ADAMTS9: variants seen among roughly 807,000 people sequenced by gnomAD.
ADAMTS9 encodes the protein A disintegrin and metalloproteinase with thrombospondin motifs 9.
A neutral mutation model predicts 257.1 loss-of-function variants in ADAMTS9; 107 were observed. The ratio of observed to expected loss-of-function variants is 0.42; its 90% CI spans 0.36 to 0.49. ADAMTS9 has a LOEUF of 0.49. Among genes scored for constraint, ADAMTS9 ranks in the 20% least tolerant of loss-of-function variants. The pLI is 0.03. For synonymous variants in ADAMTS9, 982 were observed against 880.9 expected (o/e 1.11, Z -2.03); for missense variants, 2,353 against 2,469.1 (o/e 0.95, Z 1.00).
At chr3:64,626,406 G>T (rs538300444) in intron 16 of ADAMTS9, among the ~76,000 whole-genome samples, 141 of 152,294 alleles carry the variant, frequency 9.3e-4, no homozygotes, top group African/African-American at 3.4e-3. Flanking sequence ...TATACAAATA[G>T]AAACTAAGTA....
chr3:64,663,904 C>T (rs1701284427), intron 3 of ADAMTS9, among the ~76,000 whole-genome samples: 1 of 152,076 alleles, frequency 6.6e-6, no homozygotes, highest in South Asian at 2.1e-4. Context: ...ACCATTTTAG[C>T]AAGCAACTTT....
At chr3:64,656,536 G>A (rs1306268493) in intron 4 of ADAMTS9, among the ~76,000 whole-genome samples, 1 of 152,168 alleles carries the variant, frequency 6.6e-6, no homozygotes, top group Non-Finnish European at 1.5e-5. Flanking sequence ...GAGAAATTAA[G>A]TCACTTGTCT....
chr3:64,670,245 C>T (rs1315141774), intron 3 of ADAMTS9, among the ~76,000 whole-genome samples: 1 of 152,192 alleles, frequency 6.6e-6, no homozygotes, highest in Non-Finnish European at 1.5e-5. Flanking sequence ...TATGCAGAGG[C>T]TCCCCTGGAC....
chr3:64,658,494 G>T lies in ADAMTS9; in HGVS notation c.969+8C>A. 1 of 1,606,442 alleles carries T rather than the reference G, an allele frequency of 6.2e-7. No homozygotes were observed. Among genetic ancestry groups the T allele is most frequent in the Non-Finnish European group, 8.5e-7 (1 of 1,176,326 alleles). On this transcript the variant is annotated splice_region_variant and intron_variant, in intron 4 of 39. Coordinates refer to ENST00000498707, the MANE Select transcript of ADAMTS9 (RefSeq NM_182920.2). ...CCTCATAAATCACCTTCGTTTGAAT[G>T]TACTTACAATTGACATTAAAGTTAA...
chr3:64,574,334 T>C (rs2083774160), intron 28 of ADAMTS9, among the ~76,000 whole-genome samples: 1 of 152,000 alleles, frequency 6.6e-6, no homozygotes, highest in Non-Finnish European at 1.5e-5. Context: ...CAGGAGCTAT[T>C]AGGATTTTTT....
intron 38 of ADAMTS9, among the ~76,000 whole-genome samples, chr3:64,530,902 C>T (rs969799901): frequency 1.3e-5 from 2 of 151,638 alleles, no homozygotes; most frequent in Non-Finnish European, 2.9e-5. Flanking sequence ...ATGTTGTACA[C>T]GATAAAAATA....
intron 38 of ADAMTS9, among the ~76,000 whole-genome samples, chr3:64,522,999 A>G (rs2082871212): frequency 6.6e-6 from 1 of 152,216 alleles, no homozygotes; most frequent in African/African-American, 2.4e-5. Flanking sequence ...CAGAAAAACA[A>G]TGGTCAAAAA....
At chr3:64,565,996 G>T (rs1226046955) in intron 29 of ADAMTS9, among the ~76,000 whole-genome samples, 4 of 152,096 alleles carry the variant, frequency 2.6e-5, no homozygotes, top group African/African-American at 7.2e-5. Flanking sequence ...GTTTCTATCC[G>T]AATATCCTAT....
chr3:64,665,133 TTAAAAAAGCTC>T (rs2106993955), intron 3 of ADAMTS9, among the ~76,000 whole-genome samples: 1 of 152,310 alleles, frequency 6.6e-6, no homozygotes, highest in Admixed American at 6.5e-5. Flanking sequence ...TTAGACGTGT[TTAAAAAAGCTC>T]TAACTGGCAA....
rs117263664 is a variant in ADAMTS9 at position 64,599,362 on chromosome 3, A to G, written c.4018-2371T>C. ...ATTTTCTTAGGTAAACATTTATTTG[A>G]ACAAACTTTGAATCTATTAGTAAAA... On this transcript the variant is annotated intron_variant, in intron 26 of 39. Coordinates refer to ENST00000498707, the MANE Select transcript of ADAMTS9 (RefSeq NM_182920.2). 3.4e-3 allele frequency among the ~76,000 whole-genome samples: 516 copies of G among 152,326 alleles called. 12 individuals are homozygous for G. In the East Asian group the frequency reaches 0.045, roughly 13 times the overall value.
chr3:64,570,691 G>A (rs1435281130), intron 28 of ADAMTS9, among the ~76,000 whole-genome samples: 3 of 80,926 alleles, frequency 3.7e-5, no homozygotes, highest in East Asian at 3.9e-4. Context: ...GCAAGACTCC[G>A]TCTCAAAAAA....
chr3:64,673,871 A>G (rs1701556697), intron 3 of ADAMTS9, among the ~76,000 whole-genome samples: 1 of 152,072 alleles, frequency 6.6e-6, no homozygotes, highest in Non-Finnish European at 1.5e-5. Flanking sequence ...CATTATTAAG[A>G]TTCATGGTGT....
chr3:64,596,358 C>G (rs1286363602), intron 27 of ADAMTS9, among the ~76,000 whole-genome samples: 1 of 152,162 alleles, frequency 6.6e-6, no homozygotes, highest in Non-Finnish European at 1.5e-5. Flanking sequence ...TAACTACTCA[C>G]TTCTGCAATA....
At chr3:64,618,699 G>C (rs371294975) in intron 19 of ADAMTS9, among the ~76,000 whole-genome samples, 2 of 152,196 alleles carry the variant, frequency 1.3e-5, no homozygotes, top group South Asian at 4.2e-4. Flanking sequence ...AAGAAAAGTA[G>C]CTATTCCTGT....
At chr3:64,575,905 C>T (rs1184946965) in intron 28 of ADAMTS9, among the ~76,000 whole-genome samples, 1 of 152,154 alleles carries the variant, frequency 6.6e-6, no homozygotes, top group African/African-American at 2.4e-5. Context: ...TATCTCTTAA[C>T]ACGAAGTTTA....
rs148853033 is a variant in ADAMTS9, at chr3:64,655,594, G to C, written c.1151C>G (p.Thr384Ser). The C allele has an allele frequency of 3.1e-6, 5 of 1,613,380 alleles. No homozygotes were observed. In the African/African-American group the frequency reaches 6.7e-5, roughly 22 times the overall value. Residue 384 changes from threonine (T) to serine (S), a missense_variant, in exon 6 of 40, where the codon ACT becomes AGT. Physicochemically the swap from Thr to Ser is moderately conservative, Grantham distance 58. Around this residue, in one of 3 missense-constraint regions of ADAMTS9, gnomAD observed 591 missense variants for 569.6 expected, o/e 1.04. Coordinates refer to ENST00000498707, the MANE Select transcript of ADAMTS9 (RefSeq NM_182920.2). ...KNSPGGIHHD[T>S]AVLLTRQDIC... The stretch of plus-strand genomic sequence containing the variant: ...CATATACCTTGTTAAGAGAACAGCA[G>C]TATCATGATGGATTCCACCTGGACT...
At chr3:64,627,137 GT>G (rs1189474223) in intron 16 of ADAMTS9, among the ~76,000 whole-genome samples, 1 of 152,200 alleles carries the variant, frequency 6.6e-6, no homozygotes, top group African/African-American at 2.4e-5. Flanking sequence ...TGTAAATCAA[GT>G]GATAATCCAG....
chr3:64,555,750 G>C (rs150973811), intron 30 of ADAMTS9, among the ~76,000 whole-genome samples: 337 of 152,306 alleles, frequency 2.2e-3, no homozygotes, highest in African/African-American at 7.9e-3. Flanking sequence ...AGGCAAGGAG[G>C]GGAAGAGGAC....
chr3:64,597,028 A>G (rs754072177), intron 26 of ADAMTS9, 37 bp from the exon 27 acceptor site: 13 of 1,611,126 alleles, frequency 8.1e-6, no homozygotes, highest in South Asian at 2.2e-5. Flanking sequence ...CCCCACCTCA[A>G]TCTCCATCTT....
Sources: gnomAD v4.1 joint callset for allele counts (sites outside exome capture counted in the v4.1 genomes callset) on GRCh38, gnomAD v4.1.1 for gene constraint, gnomAD v4.1.1 regional missense constraint, MANE v1.5 for transcripts, NCBI Gene and HGNC (gene_info 2026-07-23, HGNC 2026-07-21) for gene names.